GP6: variants seen among roughly 807,000 people sequenced by gnomAD.
GP6 encodes glycoprotein VI platelet.
In GP6, 45 loss-of-function variants were observed where a neutral mutation model predicts 37.3. That is an observed-to-expected ratio of 1.21 (90% confidence interval 0.95 to 1.55). The LOEUF is 1.55. Ranked by LOEUF, GP6 falls within the 40% of genes most tolerant of loss-of-function variation. The pLI is 0.00. For missense variants in GP6, 813 were observed against 760.2 expected, an observed-to-expected ratio of 1.07 and a Z score of -0.82; for synonymous variants, 340 against 316.4, an observed-to-expected ratio of 1.07 and a Z score of -0.79.
chr19:55,024,635 C>A (rs1025697444), intron 5 of GP6, among the ~76,000 whole-genome samples: 5 of 152,176 alleles, frequency 3.3e-5, no homozygotes, highest in African/African-American at 1.2e-4. Flanking sequence ...TAACACGCCT[C>A]ACACAAAACT....
chr19:55,022,975 T>C (rs2074136482), intron 5 of GP6, among the ~76,000 whole-genome samples: 1 of 152,136 alleles, frequency 6.6e-6, no homozygotes, highest in African/African-American at 2.4e-5. Flanking sequence ...CATTGAACTA[T>C]CATTGACATT....
At chr19:55,030,734 G>T (rs1247035587) in intron 3 of GP6, among the ~76,000 whole-genome samples, 1 of 152,168 alleles carries the variant, frequency 6.6e-6, no homozygotes, top group East Asian at 1.9e-4. Context: ...AATACTAAAT[G>T]CACTGTGGGG....
In GP6 at chr19:55,013,983, G is replaced by A. The variant is rs1163301600; in HGVS notation, c.*99C>T. 4 of 457,542 alleles carry A rather than the reference G, an allele frequency of 8.7e-6. No individual in the cohort carries two copies. The East Asian group carries it at 2.6e-4, about 29-fold the overall frequency. The allele number at this position is 457,542 out of a possible 1,614,324, so 28.3% of individuals were successfully genotyped here. A position where few individuals can be genotyped will look rare whatever the true frequency, so the allele number is the denominator to read the frequency against. On this transcript the variant is annotated 3_prime_UTR_variant, in exon 8 of 8. Transcript: ENST00000310373. ...TAAATATGAGAGGGGTGGAGACGGT[G>A]CATTATCTTATTTTTATGATTTTAA...
At chr19:55,032,431 C>T in intron 2 of GP6, 35 bp from the exon 3 acceptor site, 1 of 1,611,508 alleles carries the variant, frequency 6.2e-7, no homozygotes, top group East Asian at 2.2e-5. Context: ...AGCCTCCCCG[C>T]AGACCCCGCC....
In GP6 at chr19:55,018,414, C is replaced by T. The variant is rs547965896; in HGVS notation, c.724+238G>A. Among the ~76,000 whole-genome samples, 5 of 152,370 alleles carry T rather than the reference C, an allele frequency of 3.3e-5. No homozygotes were observed. The East Asian group carries it at 9.6e-4, about 29-fold the overall frequency. On this transcript the variant is annotated intron_variant, in intron 6 of 7. Transcript: ENST00000310373. The stretch of plus-strand genomic sequence containing the variant: ...GGGAGCAGTGCGTAGGGATGGCGGT[C>T]GTCCCGCCACAGCCTTGGCTCCGCC...
rs1202781708 is a variant in GP6 at position 55,032,522 on chromosome 19, A to T, written c.51T>A (p.Arg17=). The T allele has an allele frequency of 1.9e-6, 3 of 1,613,684 alleles. No homozygotes were observed. Among genetic ancestry groups the T allele is most frequent in the African/African-American group, 1.3e-5 (1 of 74,916 alleles). Reference sequence around the variant, plus strand: ...AGGACTCACCACTCTGCGCTGGCACACGCCCCAGACACAGCCCTGAGGAAA... The same window carrying T: ...AGGACTCACCACTCTGCGCTGGCACTCGCCCCAGACACAGCCCTGAGGAAA... Residue 17 remains arginine (R), a synonymous_variant, in exon 2 of 8, where the codon CGT becomes CGA. Coordinates refer to ENST00000310373, the MANE Select transcript of GP6 (RefSeq NM_001083899.2).
intron 5 of GP6, among the ~76,000 whole-genome samples, chr19:55,022,561 A>C (rs1388709984): frequency 6.6e-6 from 1 of 152,232 alleles, no homozygotes; most frequent in Non-Finnish European, 1.5e-5. Context: ...AAGAGAGGAA[A>C]TCAAACTATC....
chr19:55,015,334 C>T (rs2073832776), intron 7 of GP6, among the ~76,000 whole-genome samples, 169 bp from the exon 8 acceptor site: 1 of 152,168 alleles, frequency 6.6e-6, no homozygotes, highest in African/African-American at 2.4e-5. Flanking sequence ...GGCCAGATGA[C>T]CCCAATTCTC....
intron 3 of GP6, among the ~76,000 whole-genome samples, chr19:55,028,994 C>T (rs2074412490): frequency 6.8e-6 from 1 of 146,494 alleles, no homozygotes; most frequent in Admixed American, 6.8e-5. Flanking sequence ...GACCTTGTCT[C>T]AAAAAAAGAC....
intron 5 of GP6, among the ~76,000 whole-genome samples, chr19:55,020,950 G>A (rs1012001131): frequency 1.3e-5 from 2 of 151,542 alleles, no homozygotes; most frequent in African/African-American, 4.9e-5. Context: ...TACTCGGGAG[G>A]CTGAGGCAGG....
At chr19:55,025,997 CCCCAAAAAA>C (rs1568617865) in intron 4 of GP6, among the ~76,000 whole-genome samples, 1 of 23,888 alleles carries the variant, frequency 4.2e-5, no homozygotes, top group Admixed American at 5.2e-4. Context: ...GTGAGACTCC[CCCCAAAAAA>C]AAAAAAAAAA....
chr19:55,031,549 TTA>T (rs1759289905), intron 3 of GP6, among the ~76,000 whole-genome samples: 2 of 152,234 alleles, frequency 1.3e-5, no homozygotes, highest in South Asian at 4.1e-4. Context: ...GATTCTGCCT[TTA>T]TTTGAAATTC....
At chr19:55,028,579 T>C (rs2070946776) in intron 3 of GP6, among the ~76,000 whole-genome samples, 1 of 152,212 alleles carries the variant, frequency 6.6e-6, no homozygotes. Flanking sequence ...TCACAGTGGA[T>C]TCGTATATCA....
chr19:55,020,829 TCACCTGAGGTCAGGAGCTCAAGA>T (rs2146747428), intron 5 of GP6, among the ~76,000 whole-genome samples: 1 of 151,832 alleles, frequency 6.6e-6, no homozygotes, highest in Admixed American at 6.6e-5. Context: ...GGTGGGCAGA[TCACCTGAGGTCAGGAGCTCAAGA>T]CCACCCTGGC....
Position 55,025,208 on chromosome 19 carries a change from C to T in GP6, c.664+10G>A. The stretch of plus-strand genomic sequence containing the variant: ...ACGCTGTGCACCAGAATGGACCCTG[C>T]AGAACCTACCTGCTACCGGGGAAGG... On this transcript the variant is annotated intron_variant, in intron 5 of 7. Transcript: ENST00000310373. 1.3e-6 allele frequency: 2 copies of T among 1,512,154 alleles called. No individual in the cohort carries two copies. Among genetic ancestry groups the T allele is most frequent in the Non-Finnish European group, 9.0e-7 (1 of 1,110,644 alleles). The allele number at this position is 1,512,154 out of a possible 1,614,324, so 93.7% of individuals were successfully genotyped here.
At chr19:55,018,931 T>C (rs1254406108) in intron 5 of GP6, 1 of 605,032 alleles carries the variant, frequency 1.7e-6, no homozygotes, top group Non-Finnish European at 3.0e-6. Flanking sequence ...CTTGGTTTTT[T>C]TTCCACGTTT....
At chr19:55,030,630 G>T (rs372679169) in intron 3 of GP6, among the ~76,000 whole-genome samples, 1 of 150,622 alleles carries the variant, frequency 6.6e-6, no homozygotes, top group Non-Finnish European at 1.5e-5. Context: ...GGCGTGAGCC[G>T]CCGCGCCCGG....
At position 55,026,799 on chromosome 19, in the gene GP6, T is replaced by C. The variant is rs146212176; in HGVS notation, c.610+779A>G. Among the ~76,000 whole-genome samples the C allele has an allele frequency of 6.5e-3, 979 of 151,616 alleles. 12 individuals are homozygous for C. The highest frequency in any genetic ancestry group is 0.023 in the African/African-American group (946 of 41,090). On this transcript the variant is annotated intron_variant, in intron 4 of 7. Transcript: ENST00000310373. ...TACTCGAGAGGCTGAGGCAGCAGAA[T>C]CGCTTGAACCCGGAAGGCGGAGGTT...
intron 1 of GP6, among the ~76,000 whole-genome samples, chr19:55,037,335 ATT>A (rs200634689): frequency 0.15 from 20,153 of 137,972 alleles, 1,359 homozygotes; most frequent in Middle Eastern, 0.3. Flanking sequence ...CAATTCCACA[ATT>A]TTTTTTTTTT....
Sources: allele counts gnomAD v4.1 joint callset (sites outside exome capture counted in the v4.1 genomes callset), GRCh38; gene constraint gnomAD v4.1.1; transcripts MANE v1.5; gene names NCBI Gene and HGNC (gene_info 2026-07-23, HGNC 2026-07-21).